Variants in SLC22A24 observed in about 807,000 individuals in gnomAD.
The protein encoded by SLC22A24 is steroid transmembrane transporter SLC22A24.
SLC22A24 carries 53 observed loss-of-function variants against 49.8 expected under a neutral mutation model. The observed-to-expected ratio is 1.06, with a 90% CI of 0.85 to 1.34. The LOEUF is 1.34. Ranked by LOEUF, SLC22A24 falls within the 40% of genes most tolerant of loss-of-function variation. The pLI, the probability that SLC22A24 is intolerant of heterozygous loss-of-function variation, is 0.00. For missense variants in SLC22A24, 786 were observed against 675.9 expected (o/e 1.16, Z -1.81); for synonymous variants, 302 against 256.4 (o/e 1.18, Z -1.70).
intron 2 of SLC22A24, among the ~76,000 whole-genome samples, chr11:63,134,283 T>A (rs1339593572): frequency 2.0e-5 from 3 of 152,112 alleles, no homozygotes; most frequent in African/African-American, 7.2e-5. Flanking sequence ...ATAACGCTGT[T>A]TCACAAATTT....
chr11:63,121,724 G>A lies in SLC22A24; in HGVS notation c.507-2389C>T, dbSNP rs545660973. ...ACATATGTATACACGTGCCATGCTG[G>A]TGTGCTGCACCCATTAACTCATCAT... is the stretch of plus-strand genomic sequence containing the variant. On this transcript the variant is annotated intron_variant, in intron 2 of 9. Transcript: ENST00000612278. Among the ~76,000 whole-genome samples, 5 of 151,928 alleles carry A rather than the reference G, an allele frequency of 3.3e-5. No individual in the cohort carries two copies. In the East Asian group the frequency reaches 9.7e-4, roughly 29 times the overall value.
At position 63,083,296 on chromosome 11, in the gene SLC22A24, A is replaced by G. The variant is rs1318587981; in HGVS notation, c.1232T>C (p.Leu411Ser). Residue 411 changes from leucine to serine, a missense_variant, in exon 7 of 10, where the codon TTG becomes TCG. Physicochemically the swap from Leu to Ser is moderately radical, Grantham distance 145. Coordinates refer to ENST00000612278, the MANE Select transcript of SLC22A24 (RefSeq NM_001136506.2). ...NHMGRRISQI[L>S]FTFPVGLFIL... is the part of the protein sequence containing the mutation. Reference sequence around the variant, plus strand: ...GAAAAGTCCCACCGGGAACGTGAACAATATCTGGCTTATTCGACGACCCAT... The same window carrying G: ...GAAAAGTCCCACCGGGAACGTGAACGATATCTGGCTTATTCGACGACCCAT... 2 of 1,561,362 alleles carry G rather than the reference A, an allele frequency of 1.3e-6. No homozygotes were observed. The highest frequency in any genetic ancestry group is 2.4e-5 in the East Asian group (1 of 42,102).
chr11:63,099,822 A>T (rs988034096), intron 5 of SLC22A24, among the ~76,000 whole-genome samples: 4 of 152,120 alleles, frequency 2.6e-5, no homozygotes, highest in Non-Finnish European at 4.4e-5. Flanking sequence ...AAAGGACAAA[A>T]ACTGCATAAT....
intron 4 of SLC22A24, among the ~76,000 whole-genome samples, chr11:63,111,111 T>C (rs904811759): frequency 6.6e-6 from 1 of 152,058 alleles, no homozygotes; most frequent in African/African-American, 2.4e-5. Context: ...GATAATCATG[T>C]GGTTTTTGTC....
chr11:63,110,661 G>C (rs1003514043), intron 4 of SLC22A24, among the ~76,000 whole-genome samples: 1 of 134,058 alleles, frequency 7.5e-6, no homozygotes, highest in African/African-American at 2.7e-5. Context: ...TCTGTTGTTG[G>C]TGTATAAGAA....
intron 2 of SLC22A24, among the ~76,000 whole-genome samples, chr11:63,122,830 C>T (rs76947010): frequency 0.024 from 3,604 of 152,116 alleles, 123 homozygotes; most frequent in African/African-American, 0.08. Flanking sequence ...TATTTTATTT[C>T]TTAAATTAAC....
intron 4 of SLC22A24, among the ~76,000 whole-genome samples, chr11:63,112,743 A>G (rs924944341): frequency 6.6e-6 from 1 of 151,896 alleles, no homozygotes; most frequent in Non-Finnish European, 1.5e-5. Flanking sequence ...TTTAAGGTTA[A>G]TATTGTTACG....
chr11:63,143,547 G>A lies in SLC22A24; in HGVS notation c.233C>T (p.Pro78Leu), dbSNP rs1297167202. 8.2e-6 allele frequency: 13 copies of A among 1,584,362 alleles called. No homozygotes were observed. Among genetic ancestry groups the A allele is most frequent in the Non-Finnish European group, 1.0e-5 (12 of 1,167,264 alleles). ...CTGTGGCCTCAGGTTTGAGTCCAGT[G>A]GGATGGAGATTCTCAGGAGGTCATC... is the stretch of plus-strand genomic sequence containing the variant. ...SKDDLLRISIPLDSNLRPQKC... is the reference protein window; with the variant it reads ...SKDDLLRISILLDSNLRPQKC... Residue 78 changes from proline (P) to leucine (L), a missense_variant, in exon 1 of 10, where the codon CCA becomes CTA. Transcript: ENST00000612278.
At position 63,096,206 on chromosome 11, in the gene SLC22A24, T is replaced by C. The variant is rs554561525; in HGVS notation, c.955-100A>G. ...AACAAGATAGACATATTGTAAACTA[T>C]CCTCAAGGAAATTTCTGTCTAGTGG... On this transcript the variant is annotated intron_variant, in intron 5 of 9. Transcript: ENST00000612278. 1.0e-4 allele frequency: 76 copies of C among 736,086 alleles called. No homozygotes were observed. The South Asian group carries it at 1.3e-3, about 13-fold the overall frequency. The allele number at this position is 736,086 out of a possible 1,614,324, so 45.6% of individuals were successfully genotyped here.
intron 4 of SLC22A24, among the ~76,000 whole-genome samples, chr11:63,113,217 T>C (rs1169547695): frequency 0.038 from 60 of 1,596 alleles, 17 homozygotes; most frequent in Admixed American, 0.059. Flanking sequence ...TATATACACA[T>C]ATATATATAT....
chr11:63,090,830 A>G (rs770020729), intron 6 of SLC22A24, among the ~76,000 whole-genome samples: 3 of 152,060 alleles, frequency 2.0e-5, no homozygotes, highest in Non-Finnish European at 4.4e-5. Context: ...AGAAAGCTGG[A>G]AAGATCTAAA....
intron 2 of SLC22A24, among the ~76,000 whole-genome samples, 193 bp from the exon 3 acceptor site, chr11:63,119,528 G>C (rs553889002): frequency 6.6e-6 from 1 of 152,284 alleles, no homozygotes; most frequent in South Asian, 2.1e-4. Context: ...GTCAGTATGA[G>C]AGTGTTGTCA....
chr11:63,111,419 G>A (rs1218947238), intron 4 of SLC22A24, among the ~76,000 whole-genome samples: 2 of 151,830 alleles, frequency 1.3e-5, no homozygotes, highest in Non-Finnish European at 2.9e-5. Flanking sequence ...GTTTCAGAAG[G>A]AAAGGTACCA....
At chr11:63,081,460 C>T in intron 8 of SLC22A24, 98 bp downstream of exon 8, 1 of 829,274 alleles carries the variant, frequency 1.2e-6, no homozygotes, top group Non-Finnish European at 2.0e-6. Flanking sequence ...ACAGTTAATT[C>T]ATCTGGCACC....
Position 63,096,076 on chromosome 11 carries a change from C to T in SLC22A24, c.985G>A (p.Asp329Asn). Residue 329 changes from aspartate to asparagine, a missense_variant, in exon 6 of 10, where the codon GAT (aspartate) becomes AAT (asparagine). By Grantham distance (23) the Asp-to-Asn change is conservative. Transcript: ENST00000612278. Reference sequence around the variant, plus strand: ...ATGGATGTTTTAATTCGGACTGCATCCAACTCCTTCTTCATGGTGGATCTC... The same window carrying T: ...ATGGATGTTTTAATTCGGACTGCATTCAACTCCTTCTTCATGGTGGATCTC... ...LVRSTMKKEL[D>N]AVRIKTSIFS... 1 of 1,550,698 alleles carries T rather than the reference C, an allele frequency of 6.4e-7. No homozygotes were observed. The highest frequency in any genetic ancestry group is 8.7e-7 in the Non-Finnish European group (1 of 1,146,268).
intron 4 of SLC22A24, among the ~76,000 whole-genome samples, chr11:63,105,102 C>T (rs922771047): frequency 1.3e-5 from 2 of 152,192 alleles, no homozygotes; most frequent in Non-Finnish European, 2.9e-5. Context: ...TCCTTGATTC[C>T]ATGTCTCAAA....
At chr11:63,091,698 A>C (rs1325520655) in intron 6 of SLC22A24, among the ~76,000 whole-genome samples, 1 of 152,216 alleles carries the variant, frequency 6.6e-6, no homozygotes, top group Admixed American at 6.5e-5. Flanking sequence ...CCTTTGATAA[A>C]ATTCAACACC....
intron 5 of SLC22A24, among the ~76,000 whole-genome samples, chr11:63,096,645 A>G (rs910653330): frequency 6.6e-5 from 10 of 152,278 alleles, no homozygotes; most frequent in Admixed American, 2.6e-4. Context: ...ATGATTTATA[A>G]TCCTTTGGGT....
chr11:63,080,982 G>A lies in SLC22A24; in HGVS notation c.1536C>T (p.Ile512=). The A allele has an allele frequency of 6.4e-7, 1 of 1,552,254 alleles. No individual in the cohort carries two copies. Among genetic ancestry groups the A allele is most frequent in the Non-Finnish European group, 8.7e-7 (1 of 1,147,382 alleles). The change falls in exon 9 of 10, where the codon ATC becomes ATT. Residue 512 remains isoleucine (I), a synonymous_variant. Coordinates refer to ENST00000612278, the MANE Select transcript of SLC22A24 (RefSeq NM_001136506.2). ...GVFPILAVPV[I]LLLPETRDLP... ...GATCCCTGGTTTCTGGAAGGAGGAG[G>A]ATAACAGGGACAGCAAGGATGGGGA... is the stretch of plus-strand genomic sequence containing the variant.
Sources: allele counts gnomAD v4.1 joint callset (sites outside exome capture counted in the v4.1 genomes callset), GRCh38; gene constraint gnomAD v4.1.1; transcripts MANE v1.5; gene names NCBI Gene and HGNC (gene_info 2026-07-23, HGNC 2026-07-21).